EFCAB7: variants seen among roughly 807,000 people sequenced by gnomAD.
EFCAB7 encodes EF-hand calcium binding domain 7.
In EFCAB7, 66 loss-of-function variants were observed where a neutral mutation model predicts 77.1. The observed-to-expected ratio is 0.86, with a 90% CI of 0.70 to 1.05. EFCAB7 has a LOEUF of 1.05. Ranked by LOEUF, EFCAB7 falls within the 50% of genes least tolerant of loss-of-function variation. The pLI, the probability that EFCAB7 is intolerant of heterozygous loss-of-function variation, is 0.00. For missense variants in EFCAB7, 638 were observed against 730.5 expected (o/e 0.87, Z 1.46); for synonymous variants, 225 against 243.3 (o/e 0.92, Z 0.70).
At chr1:63,567,378 G>A (rs1376917168) in intron 11 of EFCAB7, among the ~76,000 whole-genome samples, 4 of 151,988 alleles carry the variant, frequency 2.6e-5, no homozygotes, top group African/African-American at 9.7e-5. Flanking sequence ...ACTTGAACCC[G>A]GGAAGCAGAA....
At chr1:63,560,099 C>T (rs11208242) in intron 10 of EFCAB7, among the ~76,000 whole-genome samples, 22,644 of 151,772 alleles carry the variant, frequency 0.15, 2,198 homozygotes, top group South Asian at 0.22. Context: ...ACTACAGGTA[C>T]CCGCCACCAC....
intron 7 of EFCAB7, chr1:63,547,689 T>C (rs1355314120): frequency 6.6e-6 from 1 of 152,226 alleles, no homozygotes; most frequent in Non-Finnish European, 1.5e-5. Context: ...TTTTTCTCTA[T>C]AGGGCTTGCT....
At chr1:63,555,549 A>T (rs745432026) in intron 9 of EFCAB7, 34 bp downstream of exon 9, 2 of 1,584,588 alleles carry the variant, frequency 1.3e-6, no homozygotes, top group Non-Finnish European at 1.7e-6. Flanking sequence ...GAATTATAAC[A>T]TCTAGACTGG....
At chr1:63,557,853 C>G (rs916453708) in intron 10 of EFCAB7, among the ~76,000 whole-genome samples, 4 of 152,012 alleles carry the variant, frequency 2.6e-5, no homozygotes, top group Admixed American at 2.6e-4. Context: ...GAGGGAAAAC[C>G]AAAAAGCCAT....
intron 2 of EFCAB7, 78 bp from the exon 3 acceptor site, chr1:63,531,742 A>C: frequency 8.3e-7 from 1 of 1,201,416 alleles, no homozygotes; most frequent in Non-Finnish European, 1.2e-6. Context: ...ATAATACATA[A>C]TGATTTGAAG....
chr1:63,552,703 CAG>C (rs1297197596), intron 8 of EFCAB7, among the ~76,000 whole-genome samples: 2 of 152,124 alleles, frequency 1.3e-5, no homozygotes, highest in African/African-American at 4.8e-5. Context: ...CTACACAAAA[CAG>C]AAATAATGCT....
At chr1:63,534,973 T>C (rs1646746853) in intron 6 of EFCAB7, among the ~76,000 whole-genome samples, 1 of 152,096 alleles carries the variant, frequency 6.6e-6, no homozygotes. Context: ...TGTTTAGGAA[T>C]CTATACACCC....
intron 6 of EFCAB7, among the ~76,000 whole-genome samples, chr1:63,540,072 T>A (rs778161129): frequency 3.9e-5 from 6 of 151,990 alleles, no homozygotes; most frequent in Non-Finnish European, 8.8e-5. Context: ...TCATTAATAG[T>A]TGAACTTGGG....
the EFCAB7 span, among the ~76,000 whole-genome samples, chr1:63,581,294 A>G: frequency 1.3e-5 from 2 of 149,174 alleles, no homozygotes; most frequent in Non-Finnish European, 3.0e-5. Context: ...ATGAGCCAGG[A>G]GCAGTGGCTT....
rs545001123 is a variant in EFCAB7, at chr1:63,559,995, G to A, written c.1349-1714G>A. The stretch of plus-strand genomic sequence containing the variant: ...TTTTGAGATGGAATCTTGCTCTGTT[G>A]CCTAGGCTGGAGGGCAGTGGCGTGA... On this transcript the variant is annotated intron_variant, in intron 10 of 13. Coordinates refer to ENST00000371088, the MANE Select transcript of EFCAB7 (RefSeq NM_032437.4). Among the ~76,000 whole-genome samples the A allele has an allele frequency of 6.0e-5, 9 of 150,558 alleles. No homozygotes were observed. In the East Asian group the frequency reaches 1.8e-3, roughly 29 times the overall value.
rs761455545 is a variant in EFCAB7, at chr1:63,571,036, AT to A, written c.1725del (p.Ile576PhefsTer7). ...TTTTTAATAGTCAGATGAGAAAGTG[AT>A]TATTCACATCAGCAATGAGCTAAGT... The part of the protein sequence containing the change: ...VIENKSDEKV[I>X]IHISNELSKN... On this transcript the variant is annotated frameshift_variant, in exon 13 of 14. Coordinates refer to ENST00000371088, the MANE Select transcript of EFCAB7 (RefSeq NM_032437.4). LOFTEE classifies it high-confidence loss of function. 6.2e-7 allele frequency: 1 copy of A among 1,606,676 alleles called. No homozygotes were observed. The highest frequency in any genetic ancestry group is 1.1e-5 in the South Asian group (1 of 89,162).
At chr1:63,544,811 T>C (rs950747945) in intron 6 of EFCAB7, among the ~76,000 whole-genome samples, 2 of 152,256 alleles carry the variant, frequency 1.3e-5, no homozygotes, top group African/African-American at 4.8e-5. Flanking sequence ...TATATTTCTT[T>C]TAGCAATCCT....
At chr1:63,523,844 T>G (rs1646524752) in intron 1 of EFCAB7, among the ~76,000 whole-genome samples, 1 of 152,224 alleles carries the variant, frequency 6.6e-6, no homozygotes, top group African/African-American at 2.4e-5. Flanking sequence ...TATTTCACTG[T>G]GTAGGGACGG....
At chr1:63,561,200 C>G (rs2100918642) in intron 10 of EFCAB7, among the ~76,000 whole-genome samples, 1 of 152,278 alleles carries the variant, frequency 6.6e-6, no homozygotes, top group East Asian at 1.9e-4. Flanking sequence ...GACTTGGGGA[C>G]AATTTAGCTA....
chr1:63,573,421 A>G (rs1424451194), downstream of EFCAB7, among the ~76,000 whole-genome samples: 2 of 152,150 alleles, frequency 1.3e-5, no homozygotes, highest in African/African-American at 2.4e-5. Flanking sequence ...GTATTAAAGG[A>G]CTAAGAATTG....
At chr1:63,551,704 G>A in intron 7 of EFCAB7, 21 bp from the exon 8 acceptor site, 3 of 1,345,496 alleles carry the variant, frequency 2.2e-6, no homozygotes, top group Non-Finnish European at 3.0e-6. Flanking sequence ...AAGGTGTTTG[G>A]GCTTTTTTTT....
chr1:63,564,729 CA>C (rs34886184), intron 11 of EFCAB7, among the ~76,000 whole-genome samples: 115,400 of 151,864 alleles, frequency 0.76, 44,445 homozygotes, highest in African/African-American at 0.87. Flanking sequence ...CATATGGAAC[CA>C]AAAAAAAGAG....
chr1:63,572,041 G>T (rs1647277351), intron 13 of EFCAB7, among the ~76,000 whole-genome samples: 1 of 152,098 alleles, frequency 6.6e-6, no homozygotes, highest in African/African-American at 2.4e-5. Flanking sequence ...AAAGGAAAAA[G>T]CTTCCTATTC....
intron 12 of EFCAB7, 67 bp downstream of exon 12, chr1:63,568,586 T>G (rs1647196836): frequency 1.0e-5 from 13 of 1,256,614 alleles, no homozygotes; most frequent in Non-Finnish European, 1.4e-5. Flanking sequence ...ATCTTATTCC[T>G]TACTCTATTC....
Sources: gnomAD v4.1 joint callset for allele counts (sites outside exome capture counted in the v4.1 genomes callset) on GRCh38, gnomAD v4.1.1 for gene constraint, MANE v1.5 for transcripts, NCBI Gene and HGNC (gene_info 2026-07-23, HGNC 2026-07-21) for gene names.